SNTG1: variants seen among roughly 807,000 people sequenced by gnomAD.
SNTG1 encodes the protein syntrophin gamma 1.
SNTG1 carries 39 observed loss-of-function variants against 74.7 expected under a neutral mutation model. The ratio of observed to expected loss-of-function variants is 0.52; its 90% CI spans 0.40 to 0.68. The LOEUF (loss-of-function observed/expected upper bound fraction) is 0.68, where lower values mean the gene tolerates loss of function less well. Ranked by LOEUF, SNTG1 falls within the 30% of genes least tolerant of loss-of-function variation. SNTG1 has a pLI of 0.00. For synonymous variants in SNTG1, 254 were observed against 217.1 expected, an observed-to-expected ratio of 1.17 and a Z score of -1.49; for missense variants, 685 against 609.5, an observed-to-expected ratio of 1.12 and a Z score of -1.30.
intron 2 of SNTG1, among the ~76,000 whole-genome samples, chr8:50,337,524 G>A (rs569546057): frequency 2.0e-5 from 3 of 152,154 alleles, no homozygotes; most frequent in Non-Finnish European, 1.5e-5. Flanking sequence ...TATACCCAGA[G>A]CATTCTGTTC....
At chr8:50,429,456 A>G (rs1490467644) in intron 4 of SNTG1, among the ~76,000 whole-genome samples, 2 of 152,134 alleles carry the variant, frequency 1.3e-5, no homozygotes, top group South Asian at 4.1e-4. Context: ...TTTGAACCCT[A>G]CCTCACACCA....
At position 50,590,876 on chromosome 8, in the gene SNTG1, C is replaced by T; in HGVS notation, c.811-3C>T. On this transcript the variant is annotated splice_polypyrimidine_tract_variant and splice_region_variant and intron_variant, in intron 12 of 18. Transcript: ENST00000642720. ...CACTTTTATTATTTATTTATCATTG[C>T]AGATTAAAAAAATCAACAGAAACTT... The T allele has an allele frequency of 6.5e-7, 1 of 1,548,034 alleles. No individual in the cohort carries two copies. Among genetic ancestry groups the T allele is most frequent in the Non-Finnish European group, 8.8e-7 (1 of 1,136,572 alleles).
At chr8:50,144,268 T>C (rs941342124) in intron 1 of SNTG1, among the ~76,000 whole-genome samples, 1 of 152,168 alleles carries the variant, frequency 6.6e-6, no homozygotes, top group Admixed American at 6.5e-5. Context: ...GGGCCACAGA[T>C]GGAAGGCAGA....
chr8:50,419,570 C>T (rs1447158937), intron 4 of SNTG1, among the ~76,000 whole-genome samples: 2 of 152,096 alleles, frequency 1.3e-5, no homozygotes, highest in Non-Finnish European at 2.9e-5. Context: ...GTTGAGACCT[C>T]TCAGAGAGCA....
intron 2 of SNTG1, among the ~76,000 whole-genome samples, chr8:50,190,258 A>T (rs2083520150): frequency 6.6e-6 from 1 of 152,186 alleles, no homozygotes; most frequent in South Asian, 2.1e-4. Context: ...TTCATAGAAT[A>T]TGATATTTCA....
intron 18 of SNTG1, among the ~76,000 whole-genome samples, chr8:50,761,155 A>G (rs1457502520): frequency 1.3e-5 from 2 of 152,118 alleles, no homozygotes; most frequent in South Asian, 2.1e-4. Context: ...CCAGCAGCCC[A>G]TCAAAAAGCT....
At chr8:50,416,625 C>T (rs1421722525) in intron 4 of SNTG1, among the ~76,000 whole-genome samples, 1 of 152,040 alleles carries the variant, frequency 6.6e-6, no homozygotes, top group African/African-American at 2.4e-5. Flanking sequence ...TGGTAATTTA[C>T]AGAATATTTT....
intron 1 of SNTG1, among the ~76,000 whole-genome samples, chr8:49,985,069 T>A (rs1813032938): frequency 6.6e-6 from 1 of 152,244 alleles, no homozygotes; most frequent in African/African-American, 2.4e-5. Context: ...AATGTCATAA[T>A]AATGAATTGA....
intron 17 of SNTG1, among the ~76,000 whole-genome samples, chr8:50,741,620 C>T (rs991329806): frequency 6.6e-6 from 1 of 151,922 alleles, no homozygotes; most frequent in South Asian, 2.1e-4. Context: ...AACATGGAAA[C>T]AACCAGCATT....
intron 16 of SNTG1, chr8:50,708,471 T>C (rs1038767264): frequency 6.2e-6 from 1 of 160,900 alleles, no homozygotes; most frequent in African/African-American, 2.4e-5. Context: ...TCCTGAGAAT[T>C]CAAGACAGTG....
At position 50,041,787 on chromosome 8, in the gene SNTG1, G is replaced by C. The variant is rs78880009; in HGVS notation, c.-103+129556G>C. ...ATAATCATTCTAATCTAGACTCTAT[G>C]AATTGATCTTTCCTCTTAATGAGTT... On this transcript the variant is annotated intron_variant, in intron 1 of 18. Coordinates refer to ENST00000642720, the MANE Select transcript of SNTG1 (RefSeq NM_018967.5). 1.4e-4 allele frequency among the ~76,000 whole-genome samples: 22 copies of C among 152,216 alleles called. No homozygotes were observed. The East Asian group carries it at 4.1e-3, about 28-fold the overall frequency.
chr8:50,593,657 T>C (rs569374298), intron 13 of SNTG1, among the ~76,000 whole-genome samples: 3 of 152,196 alleles, frequency 2.0e-5, no homozygotes, highest in East Asian at 3.9e-4. Context: ...GTTTTCCATT[T>C]TTTCTATGCA....
intron 1 of SNTG1, among the ~76,000 whole-genome samples, chr8:49,967,784 T>C (rs891802324): frequency 5.3e-5 from 8 of 152,210 alleles, no homozygotes; most frequent in Non-Finnish European, 7.3e-5. Context: ...AATTAATTAC[T>C]AGGCTGGCAT....
intron 8 of SNTG1, among the ~76,000 whole-genome samples, chr8:50,484,200 CCTT>C (rs1563453943): frequency 7.9e-6 from 1 of 126,236 alleles, no homozygotes; most frequent in African/African-American, 3.1e-5. Flanking sequence ...TTCCTTCCTT[CCTT>C]CCTTCCTTCC....
intron 15 of SNTG1, among the ~76,000 whole-genome samples, chr8:50,671,872 T>G (rs1204452358): frequency 4.0e-5 from 6 of 151,590 alleles, no homozygotes; most frequent in East Asian, 2.0e-4. Flanking sequence ...CCATAAAAAA[T>G]GATGAGTTCA....
chr8:50,329,638 G>A (rs6995929), intron 2 of SNTG1, among the ~76,000 whole-genome samples: 1 of 151,882 alleles, frequency 6.6e-6, no homozygotes, highest in African/African-American at 2.4e-5. Context: ...CAGGTCCTGG[G>A]CCTGGTCCAC....
chr8:50,473,707 A>G (rs1461552125), intron 8 of SNTG1, among the ~76,000 whole-genome samples: 1 of 152,200 alleles, frequency 6.6e-6, no homozygotes, highest in Non-Finnish European at 1.5e-5. Flanking sequence ...AATGTGATAT[A>G]TACTTGCAAT....
At chr8:50,351,936 C>G (rs1587270033) in intron 2 of SNTG1, among the ~76,000 whole-genome samples, 1 of 152,288 alleles carries the variant, frequency 6.6e-6, no homozygotes, top group Middle Eastern at 3.4e-3. Flanking sequence ...TGAGAACCTA[C>G]AAGTTAAAAG....
intron 13 of SNTG1, among the ~76,000 whole-genome samples, chr8:50,604,093 T>C (rs1381138751): frequency 6.6e-6 from 1 of 152,182 alleles, no homozygotes; most frequent in East Asian, 1.9e-4. Context: ...GGTTCAGACA[T>C]GTTTTCTAGG....
Sources: gnomAD v4.1 joint callset for allele counts (sites outside exome capture counted in the v4.1 genomes callset) on GRCh38, gnomAD v4.1.1 for gene constraint, MANE v1.5 for transcripts, NCBI Gene and HGNC (gene_info 2026-07-23, HGNC 2026-07-21) for gene names.